ATG10: variants seen among roughly 807,000 people sequenced by gnomAD.
The protein encoded by ATG10 is autophagy related 10, also known as ubiquitin-like-conjugating enzyme ATG10.
Under a neutral mutation model 32.1 loss-of-function variants are expected in ATG10, and 30 were observed. The observed-to-expected ratio is 0.94, with a 90% CI of 0.70 to 1.27. The LOEUF is 1.27. Among genes scored for constraint, ATG10 ranks in the 50% most tolerant of loss-of-function variants. The probability of loss-of-function intolerance (pLI) is 0.00; values close to 1 mark genes in which losing one functional copy is unlikely to be tolerated. For synonymous variants in ATG10, 87 were observed against 91.5 expected (o/e 0.95, Z 0.28); for missense variants, 233 against 262.3 (o/e 0.89, Z 0.77).
chr5:82,129,764 T>C (rs550668305), intron 3 of ATG10, among the ~76,000 whole-genome samples: 1 of 152,182 alleles, frequency 6.6e-6, no homozygotes, highest in East Asian at 1.9e-4. Context: ...AGCTCTCCTT[T>C]ATGAGGTGTC....
intron 1 of ATG10, among the ~76,000 whole-genome samples, chr5:81,987,248 G>A (rs765856791): frequency 5.3e-5 from 8 of 152,116 alleles, no homozygotes; most frequent in Non-Finnish European, 8.8e-5. Flanking sequence ...TCAGCCTCCT[G>A]AGTAGATGAG....
At position 82,234,544 on chromosome 5, in the gene ATG10, CATTTCCTCTGTGTAT is replaced by C. The variant is rs1746487212; in HGVS notation, c.454-18013_454-17999del. Among the ~76,000 whole-genome samples the C allele has an allele frequency of 1.2e-4, 19 of 152,314 alleles. No individual in the cohort carries two copies. In the South Asian group the frequency reaches 3.9e-3, roughly 32 times the overall value. On this transcript the variant is annotated intron_variant, in intron 5 of 7. Transcript: ENST00000282185. ...GAGAGACATGCTAGAAATTGAGTGT[CATTTCCTCTGTGTAT>C]ATTTGAAGGTCACGCTAGCTCTGAA...
At chr5:82,038,589 G>A (rs1458223762) in intron 2 of ATG10, among the ~76,000 whole-genome samples, 1 of 152,094 alleles carries the variant, frequency 6.6e-6, no homozygotes, top group African/African-American at 2.4e-5. Context: ...AATACACTGG[G>A]ATTCTTCACA....
At chr5:82,169,061 A>T (rs954129372) in intron 4 of ATG10, among the ~76,000 whole-genome samples, 1 of 152,178 alleles carries the variant, frequency 6.6e-6, no homozygotes, top group African/African-American at 2.4e-5. Flanking sequence ...AGGGCTGGAG[A>T]GAGCCCACCA....
chr5:82,230,687 C>T (rs1295329060), intron 5 of ATG10, among the ~76,000 whole-genome samples: 2 of 136,970 alleles, frequency 1.5e-5, no homozygotes, highest in Non-Finnish European at 3.0e-5. Flanking sequence ...GAGCTGAGAT[C>T]GCACCACTGC....
intron 3 of ATG10, among the ~76,000 whole-genome samples, chr5:82,101,231 A>G (rs1765260083): frequency 6.6e-6 from 1 of 152,048 alleles, no homozygotes; most frequent in South Asian, 2.1e-4. Context: ...GTCACTGAGT[A>G]CTCCGACTCT....
chr5:82,253,383 T>A lies in ATG10; in HGVS notation c.621T>A (p.Ser207Arg). ...GPVVGLNLPL[S>R]YAKATSQDER... ...TTGTTGGGCTGAATCTACCTCTGAG[T>A]TATGCCAAAGCAACGTCTCAGGATG... Residue 207 changes from serine to arginine, a missense_variant, in exon 7 of 8, where the codon AGT (serine) becomes AGA (arginine). Transcript: ENST00000282185. The A allele has an allele frequency of 6.2e-7, 1 of 1,612,382 alleles. No individual in the cohort carries two copies. The highest frequency in any genetic ancestry group is 8.5e-7 in the Non-Finnish European group (1 of 1,178,370).
At chr5:82,021,533 T>C (rs557614293) in intron 2 of ATG10, among the ~76,000 whole-genome samples, 78 of 152,338 alleles carry the variant, frequency 5.1e-4, no homozygotes, top group African/African-American at 1.8e-3. Context: ...CTGTATTGTT[T>C]AGGGAATAAT....
rs139018045 is a variant in ATG10, at chr5:82,123,107, C to T, written c.217-41292C>T. 3.4e-4 allele frequency among the ~76,000 whole-genome samples: 52 copies of T among 152,298 alleles called. No homozygotes were observed. In the East Asian group the frequency reaches 9.5e-3, roughly 28 times the overall value. On this transcript the variant is annotated intron_variant, in intron 3 of 7. Transcript: ENST00000282185. ...CAATAGCAAAGACTAACCTAATCAA[C>T]CTAAATGTCCATCAATGACAGATAG...
intron 2 of ATG10, among the ~76,000 whole-genome samples, chr5:82,025,539 G>A (rs1762568788): frequency 6.6e-6 from 1 of 152,082 alleles, no homozygotes; most frequent in South Asian, 2.1e-4. Flanking sequence ...GGCTGATAAG[G>A]GAGAAAGCTG....
chr5:82,146,283 C>A (rs1489202141), intron 3 of ATG10, among the ~76,000 whole-genome samples: 4 of 151,950 alleles, frequency 2.6e-5, no homozygotes, highest in Admixed American at 2.6e-4. Flanking sequence ...GGTGAGAAAT[C>A]CATGGAAATT....
rs971514029 is a variant in ATG10 at position 81,980,565 on chromosome 5, T to G, written c.-12-6994T>G. Among the ~76,000 whole-genome samples, 16 of 152,246 alleles carry G rather than the reference T, an allele frequency of 1.1e-4. No homozygotes were observed. The South Asian group carries it at 3.1e-3, about 30-fold the overall frequency. On this transcript the variant is annotated intron_variant, in intron 1 of 7. Transcript: ENST00000282185. ...GATCATTTTCTATACTTAGGAGAGG[T>G]CTTCCTTTCCTAGTGTTGAATCTTT... is the stretch of plus-strand genomic sequence containing the variant.
intron 3 of ATG10, among the ~76,000 whole-genome samples, chr5:82,162,615 A>T (rs1028662259): frequency 6.6e-6 from 1 of 152,184 alleles, no homozygotes; most frequent in African/African-American, 2.4e-5. Context: ...CCTTATTTGT[A>T]AGTAGCAGAA....
intron 3 of ATG10, among the ~76,000 whole-genome samples, chr5:82,072,887 T>TA (rs1305984049): frequency 6.6e-6 from 1 of 152,172 alleles, no homozygotes; most frequent in Admixed American, 6.6e-5. Flanking sequence ...ATTAGTGATG[T>TA]AAAAAATAAA....
At chr5:82,141,825 C>T (rs1010609358) in intron 3 of ATG10, among the ~76,000 whole-genome samples, 1 of 151,792 alleles carries the variant, frequency 6.6e-6, no homozygotes. Context: ...CATACACACA[C>T]ACACCCATAC....
intron 2 of ATG10, among the ~76,000 whole-genome samples, chr5:82,029,003 G>C (rs531365658): frequency 6.6e-6 from 1 of 152,104 alleles, no homozygotes; most frequent in African/African-American, 2.4e-5. Flanking sequence ...AGCAACATTT[G>C]TATACGTAAG....
At chr5:82,164,289 A>G (rs1369935980) in intron 3 of ATG10, 110 bp from the exon 4 acceptor site, 3 of 1,103,782 alleles carry the variant, frequency 2.7e-6, no homozygotes, top group Admixed American at 2.2e-5. Context: ...TCATAGCCTT[A>G]TATTTATTTA....
chr5:82,057,032 T>A lies in ATG10; in HGVS notation c.109-1463T>A, dbSNP rs114678097. Among the ~76,000 whole-genome samples the A allele has an allele frequency of 4.4e-3, 664 of 152,242 alleles. 4 individuals are homozygous for A. The highest frequency in any genetic ancestry group is 0.015 in the African/African-American group (623 of 41,540). On this transcript the variant is annotated intron_variant, in intron 2 of 7. Transcript: ENST00000282185. ...AAAATGGATATCCTTAATGAAATAA[T>A]TAAAAATGACAGTATTGGATATCTG... is the stretch of plus-strand genomic sequence containing the variant.
intron 3 of ATG10, among the ~76,000 whole-genome samples, chr5:82,138,485 T>TC (rs931588373): frequency 1.3e-5 from 2 of 152,052 alleles, no homozygotes; most frequent in African/African-American, 4.8e-5. Context: ...GGGAGTGAGT[T>TC]CCCCAACCCC....
Sources: allele counts gnomAD v4.1 joint callset (sites outside exome capture counted in the v4.1 genomes callset), GRCh38; gene constraint gnomAD v4.1.1; transcripts MANE v1.5; gene names NCBI Gene and HGNC (gene_info 2026-07-23, HGNC 2026-07-21).